ATXN1: variants seen among roughly 807,000 people sequenced by gnomAD.
The protein encoded by ATXN1 is ataxin-1.
Under a neutral mutation model 56.4 loss-of-function variants are expected in ATXN1, and 8 were observed. That is an observed-to-expected ratio of 0.14 (90% CI 0.08 to 0.26). ATXN1 has a LOEUF of 0.26. ATXN1 is among the 10% of genes least tolerant of loss of function. The pLI is 1.00. For synonymous variants in ATXN1, 514 were observed against 494.6 expected (o/e 1.04, Z -0.52); for missense variants, 987 against 1,106.5 (o/e 0.89, Z 1.53).
chr6:16,529,264 C>G (rs1761455770), intron 4 of ATXN1, among the ~76,000 whole-genome samples: 1 of 150,200 alleles, frequency 6.7e-6, no homozygotes, highest in Non-Finnish European at 1.5e-5. Context: ...AAAAGTTACC[C>G]ATGACATTCA....
At chr6:16,482,787 A>C (rs890253263) in intron 6 of ATXN1, among the ~76,000 whole-genome samples, 17 of 152,214 alleles carry the variant, frequency 1.1e-4, no homozygotes, top group Non-Finnish European at 2.1e-4. Flanking sequence ...TGAAAGATGT[A>C]ATAACTCTTT....
intron 7 of ATXN1, among the ~76,000 whole-genome samples, chr6:16,313,520 A>G (rs1760445816): frequency 6.6e-6 from 1 of 152,046 alleles, no homozygotes; most frequent in African/African-American, 2.4e-5. Context: ...GAGAGAGAAT[A>G]TTTGAGATGC....
At chr6:16,528,310 A>G (rs1231466183) in intron 4 of ATXN1, among the ~76,000 whole-genome samples, 6 of 152,030 alleles carry the variant, frequency 3.9e-5, no homozygotes, top group Non-Finnish European at 8.8e-5. Flanking sequence ...CAAAAAAAAA[A>G]AAAAAAAGAA....
intron 7 of ATXN1, among the ~76,000 whole-genome samples, chr6:16,313,350 C>T (rs1760442286): frequency 6.6e-6 from 1 of 152,156 alleles, no homozygotes; most frequent in South Asian, 2.1e-4. Context: ...AGCTACTGCA[C>T]CACTCCAGCC....
chr6:16,512,224 GTTC>G (rs777415055), intron 5 of ATXN1, among the ~76,000 whole-genome samples: 7 of 152,324 alleles, frequency 4.6e-5, no homozygotes, highest in Admixed American at 1.3e-4. Context: ...TTCATACACA[GTTC>G]TTCTTCCTCA....
At chr6:16,655,687 G>A (rs747397469) in intron 3 of ATXN1, among the ~76,000 whole-genome samples, 1 of 150,648 alleles carries the variant, frequency 6.6e-6, no homozygotes, top group Non-Finnish European at 1.5e-5. Context: ...AAGAAACCCC[G>A]TCTCAAATAA....
rs1301516493 is a variant in ATXN1 at position 16,328,244 on chromosome 6, T to G, written c.67A>C (p.Ser23Arg). ...PPKKREIPAT[S>R]RSSEEKAPTL... ...GGGGCCTTCTCCTCGGAGGACCGGC[T>G]GGTGGCGGGGATCTCGCGCTTCTTG... Residue 23 changes from serine to arginine, a missense_variant, in exon 7 of 8, where the codon AGC (serine) becomes CGC (arginine). Transcript: ENST00000436367. The surrounding 1 kb of genome is among the most constrained non-coding windows in gnomAD (Gnocchi z 6.2). The G allele has an allele frequency of 1.3e-6, 2 of 1,555,334 alleles. No individual in the cohort carries two copies. Among genetic ancestry groups the G allele is most frequent in the African/African-American group, 2.7e-5 (2 of 72,878 alleles).
rs1280793177 is a variant in ATXN1, at chr6:16,410,226, T to G, written c.-161+75746A>C. Among the ~76,000 whole-genome samples the G allele has an allele frequency of 6.6e-6, 1 of 152,198 alleles. No individual in the cohort carries two copies. Among genetic ancestry groups the G allele is most frequent in the Non-Finnish European group, 1.5e-5 (1 of 68,034 alleles). ...TCCCCCTTACTATGACTTCCAATTT[T>G]GAAATACTGTGACTCTGCTGTGTAC... On this transcript the variant is annotated intron_variant, in intron 6 of 7. Coordinates refer to ENST00000436367, the MANE Select transcript of ATXN1 (RefSeq NM_001128164.2). This position sits in a 1 kb window ranked among gnomAD's most constrained non-coding sequence, Gnocchi z 4.6.
At chr6:16,337,142 C>T (rs1468027533) in intron 6 of ATXN1, among the ~76,000 whole-genome samples, 1 of 152,140 alleles carries the variant, frequency 6.6e-6, no homozygotes, top group African/African-American at 2.4e-5. Context: ...CTCCCTTATC[C>T]CTAAGTGGGG....
intron 5 of ATXN1, among the ~76,000 whole-genome samples, chr6:16,504,441 G>C (rs1039045094): frequency 6.6e-6 from 1 of 152,104 alleles, no homozygotes; most frequent in Non-Finnish European, 1.5e-5. Context: ...GTACATAAAA[G>C]AGTGGTAGCA....
chr6:16,417,564 G>T (rs902744082), intron 6 of ATXN1, among the ~76,000 whole-genome samples: 2 of 151,552 alleles, frequency 1.3e-5, no homozygotes, highest in Non-Finnish European at 1.5e-5. Context: ...TCAGCCTCCC[G>T]AGTAGCTAGG....
At chr6:16,569,774 T>G (rs894579077) in intron 4 of ATXN1, among the ~76,000 whole-genome samples, 8 of 152,184 alleles carry the variant, frequency 5.3e-5, no homozygotes, top group Non-Finnish European at 8.8e-5. Flanking sequence ...TGCAGTTGAC[T>G]ATGTCCACAT....
At chr6:16,548,867 G>A (rs1004161695) in intron 4 of ATXN1, among the ~76,000 whole-genome samples, 1 of 152,146 alleles carries the variant, frequency 6.6e-6, no homozygotes, top group African/African-American at 2.4e-5. Flanking sequence ...AGGTTGCAGT[G>A]AGCAGAGATT....
chr6:16,498,302 T>C (rs1007809496), intron 5 of ATXN1, among the ~76,000 whole-genome samples: 2 of 152,262 alleles, frequency 1.3e-5, no homozygotes, highest in Admixed American at 6.5e-5. Context: ...CTCATTCATA[T>C]TGTAACATGT....
intron 4 of ATXN1, among the ~76,000 whole-genome samples, chr6:16,524,293 A>G (rs1018396408): frequency 2.6e-5 from 4 of 152,246 alleles, no homozygotes; most frequent in African/African-American, 9.6e-5. Context: ...CTGCAAAGAC[A>G]AAGGTTATGC....
intron 2 of ATXN1, among the ~76,000 whole-genome samples, chr6:16,696,652 G>A (rs1218518017): frequency 6.6e-6 from 1 of 152,142 alleles, no homozygotes; most frequent in Admixed American, 6.6e-5. Context: ...GAACAAAAGT[G>A]AATAATCATT....
intron 6 of ATXN1, among the ~76,000 whole-genome samples, chr6:16,350,461 C>T (rs765332514): frequency 2.6e-5 from 4 of 152,226 alleles, no homozygotes; most frequent in Non-Finnish European, 4.4e-5. Context: ...TTTCTGCTAA[C>T]GGTTTTGCAC....
At chr6:16,711,837 C>T (rs1003697922) in intron 2 of ATXN1, among the ~76,000 whole-genome samples, 3 of 152,118 alleles carry the variant, frequency 2.0e-5, no homozygotes, top group Admixed American at 6.6e-5. Flanking sequence ...AGGCTGATCT[C>T]GAACTTCTAG....
At chr6:16,673,181 C>CGG (rs57572612) in intron 2 of ATXN1, among the ~76,000 whole-genome samples, 98,551 of 151,286 alleles carry the variant, frequency 0.65, 32,322 homozygotes, top group East Asian at 0.73. Context: ...CAGATAAAAA[C>CGG]AGTTGCTTTA....
Sources: allele counts gnomAD v4.1 joint callset (sites outside exome capture counted in the v4.1 genomes callset), GRCh38; gene constraint gnomAD v4.1.1; non-coding constraint Gnocchi (gnomAD v3.1); transcripts MANE v1.5; gene names NCBI Gene and HGNC (gene_info 2026-07-23, HGNC 2026-07-21).